TTC23: variants seen among roughly 807,000 people sequenced by gnomAD.
The protein encoded by TTC23 is tetratricopeptide repeat domain 23.
Under a neutral mutation model 55.1 loss-of-function variants are expected in TTC23, and 58 were observed. That is an observed-to-expected ratio of 1.05 (90% CI 0.85 to 1.31). The LOEUF (loss-of-function observed/expected upper bound fraction) is 1.31, where lower values mean the gene tolerates loss of function less well. Ranked by LOEUF, TTC23 falls within the 50% of genes most tolerant of loss-of-function variation. The pLI, the probability that TTC23 is intolerant of heterozygous loss-of-function variation, is 0.00. For synonymous variants in TTC23, 203 were observed against 199.9 expected (o/e 1.02, Z -0.13); for missense variants, 516 against 534.4 (o/e 0.97, Z 0.34).
chr15:99,199,285 A>G (rs1342370555), intron 9 of TTC23, among the ~76,000 whole-genome samples: 1 of 151,424 alleles, frequency 6.6e-6, no homozygotes, highest in African/African-American at 2.4e-5. Context: ...TCCTTAAGAG[A>G]GGCCGGACCT....
At chr15:99,146,953 T>C (rs8024565) in intron 12 of TTC23, among the ~76,000 whole-genome samples, 115,298 of 151,962 alleles carry the variant, frequency 0.76, 44,345 homozygotes, top group African/African-American at 0.88. Flanking sequence ...CTCGCTCTGT[T>C]TCCCAGGCTG....
intron 8 of TTC23, among the ~76,000 whole-genome samples, chr15:99,214,986 G>C (rs1596752639): frequency 6.6e-6 from 1 of 151,320 alleles, no homozygotes; most frequent in East Asian, 2.0e-4. Context: ...CTCCCGAGTA[G>C]CTGGGATTAC....
intron 8 of TTC23, among the ~76,000 whole-genome samples, chr15:99,203,869 C>T (rs1266545851): frequency 1.3e-5 from 2 of 152,030 alleles, no homozygotes; most frequent in African/African-American, 4.8e-5. Context: ...TGTATATCTA[C>T]CACATTTTCT....
At chr15:99,171,059 C>T (rs1025269394) in intron 10 of TTC23, among the ~76,000 whole-genome samples, 1 of 152,230 alleles carries the variant, frequency 6.6e-6, no homozygotes, top group Admixed American at 6.5e-5. Flanking sequence ...GCCTTAGGGG[C>T]AAAGGTTTGT....
chr15:99,222,156 C>T (rs915913813), intron 5 of TTC23, among the ~76,000 whole-genome samples: 43 of 152,166 alleles, frequency 2.8e-4, no homozygotes. Flanking sequence ...GTAGAGCAGA[C>T]ATCTAGTCAT....
intron 4 of TTC23, among the ~76,000 whole-genome samples, chr15:99,230,632 T>C (rs2078859633): frequency 6.6e-6 from 1 of 151,836 alleles, no homozygotes; most frequent in African/African-American, 2.4e-5. Context: ...ACATTACGTA[T>C]AAAAAATAAA....
At chr15:99,167,907 A>G (rs1340246549) in intron 10 of TTC23, among the ~76,000 whole-genome samples, 1 of 152,192 alleles carries the variant, frequency 6.6e-6, no homozygotes, top group Non-Finnish European at 1.5e-5. Flanking sequence ...TTAAAAATGG[A>G]AAGTCCCAAA....
At chr15:99,188,564 G>T (rs2074944048) in intron 9 of TTC23, among the ~76,000 whole-genome samples, 1 of 151,882 alleles carries the variant, frequency 6.6e-6, no homozygotes, top group Admixed American at 6.6e-5. Context: ...AAACAAAGGG[G>T]CAATATGTAT....
intron 8 of TTC23, 30 bp downstream of exon 8, chr15:99,218,558 T>G (rs115374662): frequency 6.2e-7 from 1 of 1,613,756 alleles, no homozygotes; most frequent in South Asian, 1.1e-5. Flanking sequence ...CCCGCCATCA[T>G]GTATGCAAAA....
At chr15:99,170,728 C>T (rs895827752) in intron 10 of TTC23, among the ~76,000 whole-genome samples, 7 of 152,240 alleles carry the variant, frequency 4.6e-5, no homozygotes, top group Non-Finnish European at 7.3e-5. Context: ...TTCATTCCTG[C>T]TGTGGGGGCA....
intron 9 of TTC23, among the ~76,000 whole-genome samples, chr15:99,199,090 T>C (rs1031856078): frequency 6.6e-6 from 1 of 152,206 alleles, no homozygotes; most frequent in Non-Finnish European, 1.5e-5. Flanking sequence ...ATATTCACAA[T>C]CAACTGATTT....
intron 11 of TTC23, chr15:99,160,502 T>C (rs1311131057): frequency 6.6e-6 from 1 of 152,168 alleles, no homozygotes; most frequent in Non-Finnish European, 1.5e-5. Context: ...CTAGAGATGA[T>C]ATAAAGTATT....
At chr15:99,144,936 G>A (rs2068656810) in intron 12 of TTC23, 1 of 152,188 alleles carries the variant, frequency 6.6e-6, no homozygotes, top group South Asian at 2.1e-4. Context: ...CTGATACTAA[G>A]AGAAAAGGTG....
chr15:99,200,682 C>T (rs879857719), intron 8 of TTC23, among the ~76,000 whole-genome samples: 7 of 152,168 alleles, frequency 4.6e-5, no homozygotes, highest in East Asian at 1.9e-4. Context: ...TACACACACA[C>T]GCACATACAC....
chr15:99,152,466 T>A (rs1480338145), intron 12 of TTC23, among the ~76,000 whole-genome samples: 1 of 152,074 alleles, frequency 6.6e-6, no homozygotes, highest in Non-Finnish European at 1.5e-5. Context: ...AACCTCTGCC[T>A]CCCGAGTTCA....
chr15:99,215,421 A>G (rs2077397742), intron 8 of TTC23, among the ~76,000 whole-genome samples: 1 of 152,130 alleles, frequency 6.6e-6, no homozygotes, highest in Admixed American at 6.5e-5. Context: ...GATATAAGTG[A>G]CAAACTCCAC....
chr15:99,147,386 C>G (rs563460167), intron 12 of TTC23, among the ~76,000 whole-genome samples: 1 of 151,778 alleles, frequency 6.6e-6, no homozygotes, highest in Non-Finnish European at 1.5e-5. Context: ...CCACCACACC[C>G]GGCTAATTTT....
At chr15:99,192,866 C>A (rs1194318799) in intron 9 of TTC23, among the ~76,000 whole-genome samples, 1 of 152,186 alleles carries the variant, frequency 6.6e-6, no homozygotes, top group South Asian at 2.1e-4. Context: ...GGAGGCTGTA[C>A]CCTGCAAAGC....
chr15:99,244,615 C>G (rs2080081924), intron 2 of TTC23, among the ~76,000 whole-genome samples: 1 of 152,046 alleles, frequency 6.6e-6, no homozygotes, highest in South Asian at 2.1e-4. Context: ...CAATGAAAAT[C>G]ATACATTATC....
Sources: allele counts gnomAD v4.1 joint callset (sites outside exome capture counted in the v4.1 genomes callset), GRCh38; gene constraint gnomAD v4.1.1; transcripts MANE v1.5; gene names NCBI Gene and HGNC (gene_info 2026-07-23, HGNC 2026-07-21).